Variants in ROBO2 observed in about 807,000 individuals in gnomAD.
ROBO2 encodes roundabout homolog 2.
Under a neutral mutation model 160.8 loss-of-function variants are expected in ROBO2, and 53 were observed. That is an observed-to-expected ratio of 0.33 (90% CI 0.26 to 0.41). The LOEUF (loss-of-function observed/expected upper bound fraction) is 0.41, where lower values mean the gene tolerates loss of function less well. ROBO2 is among the 10% of genes least tolerant of loss of function. ROBO2 has a pLI of 1.00. For synonymous variants in ROBO2, 664 were observed against 611.7 expected (o/e 1.09, Z -1.26); for missense variants, 1,577 against 1,722.4 (o/e 0.92, Z 1.49).
At chr3:76,797,227 A>G (rs188685251) in intron 2 of ROBO2, among the ~76,000 whole-genome samples, 1 of 152,280 alleles carries the variant, frequency 6.6e-6, no homozygotes, top group Admixed American at 6.5e-5. Flanking sequence ...AATCAGAAAA[A>G]CATGATATCA....
chr3:75,965,779 T>G (rs1949088154), intron 2 of ROBO2, among the ~76,000 whole-genome samples: 2 of 151,644 alleles, frequency 1.3e-5, no homozygotes, highest in African/African-American at 4.8e-5. Context: ...ATTTTAGAAT[T>G]AACTGGCAAG....
chr3:76,193,570 C>G (rs985987884), intron 2 of ROBO2, among the ~76,000 whole-genome samples: 1 of 152,228 alleles, frequency 6.6e-6, no homozygotes, highest in African/African-American at 2.4e-5. Context: ...TCACTTCCTC[C>G]AATTGATTAT....
intron 2 of ROBO2, among the ~76,000 whole-genome samples, chr3:76,705,302 A>C (rs2093137341): frequency 1.3e-5 from 2 of 152,188 alleles, no homozygotes; most frequent in Admixed American, 6.6e-5. Flanking sequence ...AATGTATAGT[A>C]ATACAATATA....
intron 2 of ROBO2, among the ~76,000 whole-genome samples, chr3:76,229,218 T>G (rs1029073267): frequency 1.3e-5 from 2 of 152,198 alleles, no homozygotes; most frequent in African/African-American, 4.8e-5. Flanking sequence ...ATTCTTATTC[T>G]TGTATCTTTA....
intron 2 of ROBO2, among the ~76,000 whole-genome samples, chr3:76,163,046 C>T (rs931984154): frequency 2.0e-5 from 3 of 152,128 alleles, no homozygotes; most frequent in Non-Finnish European, 4.4e-5. Flanking sequence ...ATCAAGGTTA[C>T]TGAAATCTCC....
chr3:77,174,714 C>A (rs912115863), intron 2 of ROBO2, among the ~76,000 whole-genome samples: 4 of 152,070 alleles, frequency 2.6e-5, no homozygotes, highest in Non-Finnish European at 2.9e-5. Flanking sequence ...TTACTCCAGT[C>A]GAAACCTGTC....
intron 2 of ROBO2, among the ~76,000 whole-genome samples, chr3:76,061,123 G>C (rs1353771706): frequency 1.3e-5 from 2 of 152,160 alleles, no homozygotes; most frequent in African/African-American, 4.8e-5. Context: ...TCAATGTCAA[G>C]GTGACTTCAC....
chr3:77,216,187 A>G (rs2084916796), intron 2 of ROBO2, among the ~76,000 whole-genome samples: 1 of 152,168 alleles, frequency 6.6e-6, no homozygotes, highest in South Asian at 2.1e-4. Context: ...GGGTCTACAG[A>G]GGCACACAGG....
chr3:76,747,986 G>C (rs976030447), intron 2 of ROBO2, among the ~76,000 whole-genome samples: 1 of 151,930 alleles, frequency 6.6e-6, no homozygotes, highest in Admixed American at 6.6e-5. Flanking sequence ...ATTTGGTTTG[G>C]AAACTCCATA....
intron 2 of ROBO2, among the ~76,000 whole-genome samples, chr3:76,954,825 T>A (rs1172469089): frequency 1.3e-5 from 2 of 152,148 alleles, no homozygotes; most frequent in African/African-American, 4.8e-5. Context: ...TGCAATAAAG[T>A]CAGAAAGTAA....
chr3:76,580,328 G>GTTTTTTTTTTTTTTTTGTTTTTTTTTTTT (rs748888426), intron 2 of ROBO2, among the ~76,000 whole-genome samples: 29 of 67,232 alleles, frequency 4.3e-4, no homozygotes, highest in East Asian at 7.6e-4. Context: ...TTTTTTTTTT[G>GTTTTTTTTTTTTTTTTGTTTTTTTTTTTT]TTTTTTTTTT....
At chr3:76,281,606 C>G (rs966093125) in intron 2 of ROBO2, among the ~76,000 whole-genome samples, 1 of 146,092 alleles carries the variant, frequency 6.8e-6, no homozygotes, top group African/African-American at 2.5e-5. Context: ...CTGTGTGTGA[C>G]TTTTCTTACA....
chr3:76,421,771 A>G (rs1377521311), intron 2 of ROBO2, among the ~76,000 whole-genome samples: 1 of 152,132 alleles, frequency 6.6e-6, no homozygotes, highest in Non-Finnish European at 1.5e-5. Flanking sequence ...CATTATTCTC[A>G]AAATAAAATA....
At chr3:76,640,217 T>A (rs1031312006) in intron 2 of ROBO2, among the ~76,000 whole-genome samples, 3 of 152,170 alleles carry the variant, frequency 2.0e-5, no homozygotes, top group African/African-American at 4.8e-5. Context: ...ATTTTTAATA[T>A]GTAAACAGAT....
At chr3:77,617,822 A>T in intron 22 of ROBO2, 49 bp downstream of exon 23, 10 of 1,599,922 alleles carry the variant, frequency 6.3e-6, no homozygotes, top group Non-Finnish European at 8.5e-6. Context: ...ACACATGGAA[A>T]TTTTTTTCAG....
intron 2 of ROBO2, among the ~76,000 whole-genome samples, chr3:76,190,700 C>T (rs1701968197): frequency 6.6e-6 from 1 of 151,972 alleles, no homozygotes; most frequent in African/African-American, 2.4e-5. Context: ...CATAACTTTA[C>T]AAAATGCATG....
intron 2 of ROBO2, among the ~76,000 whole-genome samples, chr3:76,900,230 A>G (rs1451599439): frequency 6.6e-6 from 1 of 152,128 alleles, no homozygotes; most frequent in Admixed American, 6.6e-5. Flanking sequence ...TCCCTCCCAC[A>G]ACATGTGGGA....
chr3:76,698,580 T>G (rs924814536), intron 2 of ROBO2, among the ~76,000 whole-genome samples: 6 of 152,118 alleles, frequency 3.9e-5, no homozygotes, highest in Non-Finnish European at 7.4e-5. Flanking sequence ...GTAATAGGAA[T>G]TTTTCCTCAA....
chr3:75,984,744 A>C (rs2065368402), intron 2 of ROBO2, among the ~76,000 whole-genome samples: 1 of 151,438 alleles, frequency 6.6e-6, no homozygotes, highest in Non-Finnish European at 1.5e-5. Flanking sequence ...TCAATCACAC[A>C]ACTGGTAAGT....
Sources: allele counts gnomAD v4.1 joint callset (sites outside exome capture counted in the v4.1 genomes callset), GRCh38; gene constraint gnomAD v4.1.1; transcripts MANE v1.5; gene names NCBI Gene and HGNC (gene_info 2026-07-23, HGNC 2026-07-21).